Variants in SRCIN1 observed in about 807,000 individuals in gnomAD.
SRCIN1 encodes P130Cas-associated protein.
Under a neutral mutation model 116.2 loss-of-function variants are expected in SRCIN1, and 50 were observed. The observed-to-expected ratio is 0.43, with a 90% CI of 0.34 to 0.54. The LOEUF is 0.54. SRCIN1 is among the 20% of genes least tolerant of loss of function. The pLI, the probability that SRCIN1 is intolerant of heterozygous loss-of-function variation, is 0.02. For missense variants in SRCIN1, 1,446 were observed against 1,672.0 expected (o/e 0.86, Z 2.36); for synonymous variants, 736 against 750.0 (o/e 0.98, Z 0.30).
chr17:38,557,318 TGAAAA>T (rs1905874026), intron 11 of SRCIN1, among the ~76,000 whole-genome samples: 1 of 152,160 alleles, frequency 6.6e-6, no homozygotes, highest in African/African-American at 2.4e-5. Flanking sequence ...AACCCCTTGT[TGAAAA>T]GAGAGGTGAA....
rs761040892 is a variant in SRCIN1, at chr17:38,563,485, C to T, written c.578G>A (p.Arg193His). The T allele has an allele frequency of 1.9e-6, 3 of 1,553,878 alleles. No homozygotes were observed. The highest frequency in any genetic ancestry group is 2.6e-6 in the Non-Finnish European group (3 of 1,148,442). The stretch of plus-strand genomic sequence containing the variant: ...GCTGACCTCGTGCGTGATGTGCACG[C>T]GCCGAGTCTCCTCCCCGAACTGCAG... ...LFLQFGEETRRVHITHEVSSL... is the reference protein window; with the variant it reads ...LFLQFGEETRHVHITHEVSSL... Residue 193 changes from arginine to histidine, a missense_variant, in exon 5 of 19, where the codon CGC becomes CAC. By Grantham distance (29) the Arg-to-His change is conservative (BLOSUM62 0). Coordinates refer to ENST00000617146, the MANE Select transcript of SRCIN1 (RefSeq NM_025248.3). The surrounding 1 kb of genome is among the most constrained non-coding windows in gnomAD (Gnocchi z 5.8).
At position 38,573,355 on chromosome 17, in the gene SRCIN1, G is replaced by A. The variant is rs529981786; in HGVS notation, c.325-5124C>T. Among the ~76,000 whole-genome samples, 5 of 152,320 alleles carry A rather than the reference G, an allele frequency of 3.3e-5. No homozygotes were observed. The South Asian group carries it at 1.0e-3, about 32-fold the overall frequency. On this transcript the variant is annotated intron_variant, in intron 2 of 18. Transcript: ENST00000617146. Reference sequence around the variant, plus strand: ...GGCCTCTCATCCTGCCCTGCTGTGTGGTTCTGGCCTTTCCAAAGTCTCTGG... The same window carrying A: ...GGCCTCTCATCCTGCCCTGCTGTGTAGTTCTGGCCTTTCCAAAGTCTCTGG...
intron 18 of SRCIN1, among the ~76,000 whole-genome samples, chr17:38,536,063 C>A (rs956951567): frequency 1.3e-5 from 2 of 152,236 alleles, no homozygotes; most frequent in African/African-American, 2.4e-5. Flanking sequence ...CCTTCTCCCC[C>A]CAACAGCCAG....
At chr17:38,554,604 G>T (rs558221238) in intron 11 of SRCIN1, among the ~76,000 whole-genome samples, 47 of 152,254 alleles carry the variant, frequency 3.1e-4, no homozygotes, top group African/African-American at 1.1e-3. Flanking sequence ...GGGTTGTGCA[G>T]CCTTCTGGAC....
chr17:38,550,398 G>A (rs1182640639), intron 15 of SRCIN1, among the ~76,000 whole-genome samples: 3 of 152,166 alleles, frequency 2.0e-5, no homozygotes, highest in Admixed American at 2.0e-4. Flanking sequence ...GGAGGCTGAG[G>A]CAGGAGAATG....
Position 38,539,983 on chromosome 17 carries a change from T to G in SRCIN1, c.3417+3840A>C, listed in dbSNP as rs182534560. Among the ~76,000 whole-genome samples, 4 of 131,150 alleles carry G rather than the reference T, an allele frequency of 3.0e-5. No individual in the cohort carries two copies. In the East Asian group the frequency reaches 9.1e-4, roughly 30 times the overall value. 86.0% of individuals were successfully genotyped at this position (131,150 alleles called of 152,430 possible). On this transcript the variant is annotated intron_variant, in intron 18 of 18. Transcript: ENST00000617146. ...TTGCCGTGAGCCGAGATCACGCCAC[T>G]GGACTCCAACCTGAGCAACAGAGCG...
intron 18 of SRCIN1, among the ~76,000 whole-genome samples, chr17:38,538,076 G>A (rs990049104): frequency 2.7e-5 from 4 of 150,936 alleles, no homozygotes; most frequent in African/African-American, 9.8e-5. Context: ...CTCCAGCCTG[G>A]GTGACAGAGC....
In SRCIN1 at chr17:38,564,321, G is replaced by A; in HGVS notation, c.346-8C>T. 1.3e-6 allele frequency: 2 copies of A among 1,539,274 alleles called. No homozygotes were observed. Among genetic ancestry groups the A allele is most frequent in the Non-Finnish European group, 8.7e-7 (1 of 1,146,654 alleles). ...GTGGCGTGAGCTGCGGGTCTGCAGGGGCCGGGCAGGGTGAGAGGAACCAAG... is the reference window on the plus strand; with the variant it reads ...GTGGCGTGAGCTGCGGGTCTGCAGGAGCCGGGCAGGGTGAGAGGAACCAAG... On this transcript the variant is annotated splice_region_variant and splice_polypyrimidine_tract_variant and intron_variant, in intron 3 of 18. Coordinates refer to ENST00000617146, the MANE Select transcript of SRCIN1 (RefSeq NM_025248.3).
chr17:38,553,076 G>A (rs1228425259), intron 11 of SRCIN1, among the ~76,000 whole-genome samples: 1 of 152,094 alleles, frequency 6.6e-6, no homozygotes, highest in Non-Finnish European at 1.5e-5. Flanking sequence ...GCAACATAGG[G>A]AGACCTCATC....
Position 38,561,575 on chromosome 17 carries a change from C to A in SRCIN1, c.1588G>T (p.Ala530Ser). Residue 530 changes from alanine to serine, a missense_variant, in exon 7 of 19, where the codon GCG becomes TCG. Ala to Ser is a moderately conservative substitution (Grantham distance 99). Coordinates refer to ENST00000617146, the MANE Select transcript of SRCIN1 (RefSeq NM_025248.3). Reference protein sequence around the residue: ...AESPGGKTRSAGSASTAGAPP... With the variant: ...AESPGGKTRSSGSASTAGAPP... ...GCTCCGGCCGTCGAGGCGCTCCCCG[C>A]GCTGCGGGTCTTCCCTCCAGGACTC... The A allele has an allele frequency of 6.2e-7, 1 of 1,601,726 alleles. No individual in the cohort carries two copies. The highest frequency in any genetic ancestry group is 1.1e-5 in the South Asian group (1 of 90,308).
In SRCIN1 at chr17:38,548,621, G is replaced by A; in HGVS notation, c.3206C>T (p.Pro1069Leu). 6.2e-7 allele frequency: 1 copy of A among 1,613,160 alleles called. No individual in the cohort carries two copies. The highest frequency in any genetic ancestry group is 8.5e-7 in the Non-Finnish European group (1 of 1,179,776). ...CTTGATGGCCGAGGCCATGATGGGT[G>A]GTGTGGAGGCTGGGCGGGCCACCTC... ...VSEVARPAST[P>L]PIMASAIKDE... The change falls in exon 17 of 19, where the codon CCA becomes CTA. Residue 1069 changes from proline to leucine, a missense_variant. This residue lies in a region of SRCIN1 where 531 missense variants were observed against 633.9 expected (regional missense o/e 0.84). Transcript: ENST00000617146.
chr17:38,552,080 G>A lies in SRCIN1; in HGVS notation c.2533C>T (p.Pro845Ser). The A allele has an allele frequency of 6.2e-7, 1 of 1,613,662 alleles. No homozygotes were observed. Among genetic ancestry groups the A allele is most frequent in the Non-Finnish European group, 8.5e-7 (1 of 1,179,872 alleles). The change falls in exon 14 of 19, where the codon CCC becomes TCC. Residue 845 changes from proline (P) to serine (S), a missense_variant. Physicochemically the swap from Pro to Ser is moderately conservative, Grantham distance 74. Coordinates refer to ENST00000617146, the MANE Select transcript of SRCIN1 (RefSeq NM_025248.3). This position sits in a 1 kb window ranked among gnomAD's most constrained non-coding sequence, Gnocchi z 5.3. Reference sequence around the variant, plus strand: ...TCAGTCTCTGCCGTCACCTTCTTGGGGGACTGACTCAGGAGATTGTTGGGG... The same window carrying A: ...TCAGTCTCTGCCGTCACCTTCTTGGAGGACTGACTCAGGAGATTGTTGGGG... ...PPPNNLLSQS[P>S]KKVTAETDFN...
At chr17:38,542,733 T>C (rs1235248015) in intron 18 of SRCIN1, 1 of 206,554 alleles carries the variant, frequency 4.8e-6, no homozygotes, top group Non-Finnish European at 1.0e-5. Flanking sequence ...CCAAGATTCC[T>C]AGGTCCCGAT....
Position 38,561,965 on chromosome 17 carries a change from AG to A in SRCIN1, c.1197del (p.Tyr400ThrfsTer9). 1 of 1,478,286 alleles carries A rather than the reference AG, an allele frequency of 6.8e-7. No individual in the cohort carries two copies. Among genetic ancestry groups the A allele is most frequent in the Non-Finnish European group, 8.9e-7 (1 of 1,124,266 alleles). The allele number at this position is 1,478,286 out of a possible 1,614,324, so 91.6% of individuals were successfully genotyped here. On this transcript the variant is annotated frameshift_variant, in exon 7 of 19. Transcript: ENST00000617146. LOFTEE classifies it high-confidence loss of function. ...AGACGGCCCTCGTGCAGCAGCCCGT[AG>A]GGGTCAGCATAGAGGCCCTCGCCTT... ...LVKGEGLYAD[P>X]YGLLHEGRLS...
rs1186437210 is a variant in SRCIN1 at position 38,564,323 on chromosome 17, C to A, written c.346-10G>T. On this transcript the variant is annotated splice_polypyrimidine_tract_variant and intron_variant, in intron 3 of 18. Coordinates refer to ENST00000617146, the MANE Select transcript of SRCIN1 (RefSeq NM_025248.3). ...GGCGTGAGCTGCGGGTCTGCAGGGG[C>A]CGGGCAGGGTGAGAGGAACCAAGGA... 2.0e-6 allele frequency: 3 copies of A among 1,537,388 alleles called. No individual in the cohort carries two copies. The African/African-American group carries it at 4.1e-5, about 21-fold the overall frequency.
chr17:38,553,014 G>A (rs1419614345), intron 11 of SRCIN1, among the ~76,000 whole-genome samples, 159 bp from the exon 12 acceptor site: 3 of 152,218 alleles, frequency 2.0e-5, no homozygotes, highest in Admixed American at 2.0e-4. Context: ...CAGTACTTTG[G>A]GAGGCTGAGG....
chr17:38,549,220 C>T lies in SRCIN1; in HGVS notation c.2963-10G>A. Reference sequence around the variant, plus strand: ...GGCACGGTCAACTCATCTGCAGGCACCAAGGGGCTGGGGGTCAGCAGGCCT... The same window carrying T: ...GGCACGGTCAACTCATCTGCAGGCATCAAGGGGCTGGGGGTCAGCAGGCCT... On this transcript the variant is annotated splice_polypyrimidine_tract_variant and intron_variant, in intron 15 of 18. Coordinates refer to ENST00000617146, the MANE Select transcript of SRCIN1 (RefSeq NM_025248.3). The T allele has an allele frequency of 2.0e-6, 3 of 1,510,232 alleles. No individual in the cohort carries two copies. Among genetic ancestry groups the T allele is most frequent in the Non-Finnish European group, 2.6e-6 (3 of 1,133,752 alleles). 93.6% of individuals were successfully genotyped at this position (1,510,232 alleles called of 1,614,324 possible).
chr17:38,548,409 G>A (rs1332258096), intron 17 of SRCIN1, 148 bp downstream of exon 17: 1 of 917,078 alleles, frequency 1.1e-6, no homozygotes, highest in East Asian at 2.5e-5. Context: ...AAGAAATGGA[G>A]GCAAAAGGCT....
chr17:38,569,542 A>C (rs976929915), intron 2 of SRCIN1, among the ~76,000 whole-genome samples: 2 of 152,124 alleles, frequency 1.3e-5, no homozygotes, highest in Non-Finnish European at 2.9e-5. Context: ...GGCTTTACCT[A>C]AGGCAGACCT....
Sources: gnomAD v4.1 joint callset for allele counts (sites outside exome capture counted in the v4.1 genomes callset) on GRCh38, gnomAD v4.1.1 for gene constraint, gnomAD v4.1.1 regional missense constraint, Gnocchi (gnomAD v3.1) non-coding constraint, MANE v1.5 for transcripts, NCBI Gene and HGNC (gene_info 2026-07-23, HGNC 2026-07-21) for gene names.